DDX10: variants seen among roughly 807,000 people sequenced by gnomAD.
The protein encoded by DDX10 is probable ATP-dependent RNA helicase DDX10.
Under a neutral mutation model 104.3 loss-of-function variants are expected in DDX10, and 74 were observed. The observed-to-expected ratio is 0.71, with a 90% CI of 0.59 to 0.86. The LOEUF (loss-of-function observed/expected upper bound fraction) is 0.86, where lower values mean the gene tolerates loss of function less well. Ranked by LOEUF, DDX10 falls within the 40% of genes least tolerant of loss-of-function variation. The pLI is 0.00. For missense variants in DDX10, 952 were observed against 1,040.0 expected, an observed-to-expected ratio of 0.92 and a Z score of 1.16; for synonymous variants, 351 against 353.4, an observed-to-expected ratio of 0.99 and a Z score of 0.08.
intron 16 of DDX10, among the ~76,000 whole-genome samples, chr11:108,898,608 C>T (rs1183197140): frequency 6.6e-6 from 1 of 150,606 alleles, no homozygotes; most frequent in Non-Finnish European, 1.5e-5. Flanking sequence ...AGAATTTCTA[C>T]ACCCAAGTCA....
At chr11:108,807,511 T>TA (rs768911615) in intron 13 of DDX10, among the ~76,000 whole-genome samples, 29 of 152,130 alleles carry the variant, frequency 1.9e-4, no homozygotes, top group Admixed American at 5.2e-4. Context: ...TTTTGAGAGA[T>TA]AAGAAAATGA....
Position 108,691,779 on chromosome 11 carries a change from G to C in DDX10, c.976-97G>C, listed in dbSNP as rs113143585. ...CTTGGTTGGAATTGGGTATCACATT[G>C]CTCTGCTGTTGAGACTCTGTGGGAT... On this transcript the variant is annotated intron_variant, in intron 7 of 17. Transcript: ENST00000322536. 7.2e-4 allele frequency: 742 copies of C among 1,027,258 alleles called. 7 individuals carry two copies. The African/African-American group carries it at 0.011, about 15-fold the overall frequency. 63.6% of individuals were successfully genotyped at this position (1,027,258 alleles called of 1,614,324 possible).
At chr11:108,710,217 T>G (rs984460823) in intron 10 of DDX10, among the ~76,000 whole-genome samples, 1 of 152,238 alleles carries the variant, frequency 6.6e-6, no homozygotes, top group African/African-American at 2.4e-5. Flanking sequence ...AGCACATTAC[T>G]GTATACAAGT....
intron 13 of DDX10, among the ~76,000 whole-genome samples, chr11:108,745,785 A>G (rs1249809078): frequency 6.6e-6 from 1 of 152,180 alleles, no homozygotes; most frequent in Non-Finnish European, 1.5e-5. Context: ...TTATTCAGAT[A>G]TTGAAGTCTT....
At chr11:108,786,019 C>T (rs971908369) in intron 13 of DDX10, among the ~76,000 whole-genome samples, 2 of 152,112 alleles carry the variant, frequency 1.3e-5, no homozygotes, top group Non-Finnish European at 2.9e-5. Flanking sequence ...TTAGCTGCCT[C>T]CCAAAGATTT....
In DDX10 at chr11:108,911,553, C is replaced by CTTTTTTTTTTTTTTTT; in HGVS notation, c.2305-6318_2305-6317insTTTTTTTTTTTTTTTT. Among the ~76,000 whole-genome samples the CTTTTTTTTTTTTTTTT allele has an allele frequency of 2.6e-5, 3 of 117,146 alleles. 1 individual carries two copies. The highest frequency in any genetic ancestry group is 1.7e-5 in the Non-Finnish European group (1 of 58,664). The allele number at this position is 117,146 out of a possible 152,430, so 76.9% of individuals were successfully genotyped here. On this transcript the variant is annotated intron_variant, in intron 16 of 17. Coordinates refer to ENST00000322536, the MANE Select transcript of DDX10 (RefSeq NM_004398.4). The stretch of plus-strand genomic sequence containing the variant: ...CCAGTTCCCAAAAGCTTTGCCTCCT[C>CTTTTTTTTTTTTTTTT]TTCTTTTTTTTTTTTTTTTTTTTTT...
chr11:108,877,473 T>G (rs1863168565), intron 16 of DDX10, among the ~76,000 whole-genome samples: 1 of 152,212 alleles, frequency 6.6e-6, no homozygotes, highest in Non-Finnish European at 1.5e-5. Context: ...CAATCACACT[T>G]AGAAGCCTAT....
At chr11:108,722,269 A>C (rs1468514714) in intron 12 of DDX10, among the ~76,000 whole-genome samples, 3 of 152,204 alleles carry the variant, frequency 2.0e-5, no homozygotes, top group Non-Finnish European at 4.4e-5. Flanking sequence ...GTTACTGTTT[A>C]TTCAGAGCAA....
intron 17 of DDX10, among the ~76,000 whole-genome samples, chr11:108,937,166 A>G (rs1864046689): frequency 6.6e-6 from 1 of 152,170 alleles, no homozygotes; most frequent in African/African-American, 2.4e-5. Flanking sequence ...CACCGTGGAA[A>G]TGCCCAAGTG....
intron 16 of DDX10, among the ~76,000 whole-genome samples, chr11:108,876,951 T>C (rs777860190): frequency 2.0e-5 from 3 of 152,268 alleles, no homozygotes; most frequent in Non-Finnish European, 2.9e-5. Context: ...ATAAAGGAGA[T>C]TCTTGGTTTG....
intron 16 of DDX10, among the ~76,000 whole-genome samples, chr11:108,863,279 A>C (rs1315094789): frequency 6.6e-6 from 1 of 152,156 alleles, no homozygotes; most frequent in African/African-American, 2.4e-5. Flanking sequence ...TAAATCTTTT[A>C]TGATTCCAGA....
chr11:108,682,043 C>CGTAG (rs1286661457), intron 6 of DDX10, among the ~76,000 whole-genome samples: 1 of 152,066 alleles, frequency 6.6e-6, no homozygotes, highest in African/African-American at 2.4e-5. Flanking sequence ...CACTTCCCTA[C>CGTAG]TCCCGGTGTT....
intron 13 of DDX10, among the ~76,000 whole-genome samples, chr11:108,779,881 C>A (rs2134537771): frequency 6.6e-6 from 1 of 152,030 alleles, no homozygotes; most frequent in South Asian, 2.1e-4. Context: ...GAGCAAAATT[C>A]CTGGGTTAAA....
chr11:108,706,237 GC>G (rs2094276034), intron 9 of DDX10, among the ~76,000 whole-genome samples: 1 of 152,096 alleles, frequency 6.6e-6, no homozygotes, highest in Non-Finnish European at 1.5e-5. Flanking sequence ...CTCCCAAAGT[GC>G]TGGAATTACA....
chr11:108,886,750 C>G (rs1012158220), intron 16 of DDX10, among the ~76,000 whole-genome samples: 11 of 152,134 alleles, frequency 7.2e-5, no homozygotes, highest in African/African-American at 2.2e-4. Context: ...ATTTAACCAC[C>G]AAGTTAAGTT....
At chr11:108,901,356 G>A (rs944753632) in intron 16 of DDX10, among the ~76,000 whole-genome samples, 2 of 152,134 alleles carry the variant, frequency 1.3e-5, no homozygotes, top group Non-Finnish European at 2.9e-5. Context: ...GAGACAATAA[G>A]CCCATTGTTC....
chr11:108,859,047 G>A (rs559378631), intron 16 of DDX10, among the ~76,000 whole-genome samples: 4 of 152,156 alleles, frequency 2.6e-5, no homozygotes, highest in South Asian at 2.1e-4. Context: ...GCCATTGAAC[G>A]TGAGTAGCCT....
intron 13 of DDX10, among the ~76,000 whole-genome samples, chr11:108,835,341 T>A (rs1862539419): frequency 6.6e-6 from 1 of 152,078 alleles, no homozygotes; most frequent in Non-Finnish European, 1.5e-5. Context: ...TTGCCACCAG[T>A]TGGTGATATT....
Position 108,706,927 on chromosome 11 carries a change from C to T in DDX10, c.1322+90C>T, listed in dbSNP as rs1049580060. ...ATGTGCACCTAATTTGCCCCTTCCCCTAATTTATTCAACTGCCTGGTTTGA... is the reference window on the plus strand; with the variant it reads ...ATGTGCACCTAATTTGCCCCTTCCCTTAATTTATTCAACTGCCTGGTTTGA... On this transcript the variant is annotated intron_variant, in intron 10 of 17. Coordinates refer to ENST00000322536, the MANE Select transcript of DDX10 (RefSeq NM_004398.4). The T allele has an allele frequency of 9.7e-6, 10 of 1,034,956 alleles. No individual in the cohort carries two copies. In the African/African-American group the frequency reaches 1.6e-4, roughly 16 times the overall value. 64.1% of individuals were successfully genotyped at this position (1,034,956 alleles called of 1,614,324 possible). A position where few individuals can be genotyped will look rare whatever the true frequency, so the allele number is the denominator to read the frequency against.
Sources: allele counts gnomAD v4.1 joint callset (sites outside exome capture counted in the v4.1 genomes callset), GRCh38; gene constraint gnomAD v4.1.1; transcripts MANE v1.5; gene names NCBI Gene and HGNC (gene_info 2026-07-23, HGNC 2026-07-21).